The following MYT1L variants were observed in gnomAD, a reference collection of about 807,000 sequenced individuals.
The protein encoded by MYT1L is myelin transcription factor 1 like.
In MYT1L, 12 loss-of-function variants were observed where a neutral mutation model predicts 126.7. The observed-to-expected ratio is 0.09, with a 90% CI of 0.06 to 0.15. The LOEUF is 0.15. Ranked by LOEUF, MYT1L falls within the 10% of genes least tolerant of loss-of-function variation. The pLI, the probability that MYT1L is intolerant of heterozygous loss-of-function variation, is 1.00. For missense variants in MYT1L, 979 were observed against 1,585.2 expected, an observed-to-expected ratio of 0.62 and a Z score of 6.49; for synonymous variants, 541 against 604.2, an observed-to-expected ratio of 0.90 and a Z score of 1.53.
At chr2:1,923,303 G>A (rs1474531671) in intron 9 of MYT1L, 40 bp from the exon 10 acceptor site, 1 of 1,507,044 alleles carries the variant, frequency 6.6e-7, no homozygotes, top group African/African-American at 1.4e-5. Flanking sequence ...AAAAGAAAAG[G>A]AAAAAGTGGC....
At chr2:2,086,172 C>T (rs1397029565) in intron 3 of MYT1L, among the ~76,000 whole-genome samples, 1 of 152,052 alleles carries the variant, frequency 6.6e-6, no homozygotes, top group African/African-American at 2.4e-5. Context: ...AGGGCCAGAC[C>T]TCACAGTTTA....
intron 4 of MYT1L, among the ~76,000 whole-genome samples, chr2:2,031,260 G>C (rs1011870941): frequency 6.6e-6 from 1 of 152,226 alleles, no homozygotes; most frequent in African/African-American, 2.4e-5. Flanking sequence ...TTGCATGAAA[G>C]AGGGCTGGGA....
intron 2 of MYT1L, among the ~76,000 whole-genome samples, chr2:2,273,415 T>C (rs2095303354): frequency 6.6e-6 from 1 of 152,206 alleles, no homozygotes; most frequent in African/African-American, 2.4e-5. Flanking sequence ...TTCCATCATG[T>C]TCCTGTAGGA....
intron 2 of MYT1L, among the ~76,000 whole-genome samples, chr2:2,237,422 T>A (rs1406840135): frequency 6.6e-6 from 1 of 152,200 alleles, no homozygotes; most frequent in Non-Finnish European, 1.5e-5. Flanking sequence ...TCTCCTCGCA[T>A]CACTGTGCTG....
chr2:2,061,911 C>T (rs940069074), intron 3 of MYT1L, among the ~76,000 whole-genome samples: 6 of 152,212 alleles, frequency 3.9e-5, no homozygotes, highest in Non-Finnish European at 5.9e-5. Flanking sequence ...AGATACCATC[C>T]CTGTCTTACT....
chr2:2,275,874 G>T (rs1025357621), intron 2 of MYT1L, among the ~76,000 whole-genome samples: 1 of 152,162 alleles, frequency 6.6e-6, no homozygotes, highest in African/African-American at 2.4e-5. Context: ...GTCCTCAAGA[G>T]AAAGTCCCAG....
intron 2 of MYT1L, among the ~76,000 whole-genome samples, chr2:2,246,451 C>T (rs898266457): frequency 2.0e-5 from 3 of 152,204 alleles, no homozygotes; most frequent in South Asian, 2.1e-4. Flanking sequence ...CACCATGAGA[C>T]GGGTACTGAA....
At chr2:2,279,857 G>A (rs919399844) in intron 2 of MYT1L, among the ~76,000 whole-genome samples, 3 of 152,182 alleles carry the variant, frequency 2.0e-5, no homozygotes, top group African/African-American at 7.2e-5. Context: ...TGTAAACTAG[G>A]AAAGGTAGGA....
In MYT1L at chr2:1,792,607, C is replaced by A. The variant is rs183240617; in HGVS notation, c.3277-143G>T. ...GCTTCGGGCCGGGCGCCGTGGCTCA[C>A]GCCTGGAATCCCAGCATTTTGGGAG... is the stretch of plus-strand genomic sequence containing the variant. On this transcript the variant is annotated intron_variant, in intron 23 of 24. Coordinates refer to ENST00000647738, the MANE Select transcript of MYT1L (RefSeq NM_001303052.2). 7 of 883,802 alleles carry A rather than the reference C, an allele frequency of 7.9e-6. No homozygotes were observed. The Admixed American group carries it at 2.2e-4, about 28-fold the overall frequency. 54.7% of individuals were successfully genotyped at this position (883,802 alleles called of 1,614,324 possible).
chr2:2,180,176 T>C (rs573117163), intron 2 of MYT1L, among the ~76,000 whole-genome samples: 6 of 152,190 alleles, frequency 3.9e-5, no homozygotes, highest in Admixed American at 6.5e-5. Context: ...AATGAATGAA[T>C]TGAATAACAA....
In MYT1L at chr2:1,979,877, T is replaced by A; in HGVS notation, c.1-100A>T. On this transcript the variant is annotated intron_variant, in intron 5 of 24. Transcript: ENST00000647738. This position sits in a 1 kb window ranked among gnomAD's most constrained non-coding sequence, Gnocchi z 4.0. ...CCCTGGCATTCTATTAATGGGGCTT[T>A]AATCCTGTTTCCCTCCATGAAGGGA... 1 of 1,219,190 alleles carries A rather than the reference T, an allele frequency of 8.2e-7. No individual in the cohort carries two copies. Among genetic ancestry groups the A allele is most frequent in the Non-Finnish European group, 1.2e-6 (1 of 841,878 alleles). The allele number at this position is 1,219,190 out of a possible 1,614,324, so 75.5% of individuals were successfully genotyped here. A position where few individuals can be genotyped will look rare whatever the true frequency, so the allele number is the denominator to read the frequency against.
At chr2:1,894,071 C>G (rs1274446205) in intron 14 of MYT1L, among the ~76,000 whole-genome samples, 5 of 152,366 alleles carry the variant, frequency 3.3e-5, no homozygotes, top group South Asian at 2.1e-4. Flanking sequence ...CCACAAAACC[C>G]ATGAAATACA....
intron 19 of MYT1L, among the ~76,000 whole-genome samples, chr2:1,849,569 C>T (rs772149279): frequency 6.6e-6 from 1 of 152,220 alleles, no homozygotes; most frequent in South Asian, 2.1e-4. Context: ...GGGGTGGATG[C>T]TCCTGGCATC....
chr2:1,838,796 C>T (rs1020010721), intron 21 of MYT1L, among the ~76,000 whole-genome samples: 2 of 152,184 alleles, frequency 1.3e-5, no homozygotes, highest in Non-Finnish European at 2.9e-5. Context: ...CCCCCAATGA[C>T]GCCTGCCTGT....
chr2:2,295,673 G>T (rs1312025584), intron 1 of MYT1L, among the ~76,000 whole-genome samples: 6 of 143,308 alleles, frequency 4.2e-5, no homozygotes, highest in Non-Finnish European at 7.6e-5. Context: ...CAGAGAGAGA[G>T]AGAGAGACAG....
intron 1 of MYT1L, among the ~76,000 whole-genome samples, chr2:2,322,851 G>C: frequency 6.6e-6 from 1 of 152,120 alleles, no homozygotes; most frequent in Non-Finnish European, 1.5e-5. Flanking sequence ...ATGACTTTAT[G>C]ACTTTTCTCT....
chr2:2,074,581 C>T (rs1249907599), intron 3 of MYT1L, among the ~76,000 whole-genome samples: 1 of 152,118 alleles, frequency 6.6e-6, no homozygotes, highest in Non-Finnish European at 1.5e-5. Context: ...GAAATTCACA[C>T]CCAACGGGAT....
chr2:1,796,821 C>T (rs561869475), intron 23 of MYT1L, among the ~76,000 whole-genome samples: 30 of 152,142 alleles, frequency 2.0e-4, no homozygotes, highest in Non-Finnish European at 3.7e-4. Flanking sequence ...CAGGCCCCCA[C>T]GGTGGGGTCT....
At chr2:1,942,717 A>C (rs1450614292) in intron 9 of MYT1L, among the ~76,000 whole-genome samples, 11 of 152,244 alleles carry the variant, frequency 7.2e-5, no homozygotes. Context: ...AAGCTAATCA[A>C]AAAAGTACAC....
Sources: allele counts gnomAD v4.1 joint callset (sites outside exome capture counted in the v4.1 genomes callset), GRCh38; gene constraint gnomAD v4.1.1; non-coding constraint Gnocchi (gnomAD v3.1); transcripts MANE v1.5; gene names NCBI Gene and HGNC (gene_info 2026-07-23, HGNC 2026-07-21).